PTPN13: variants seen among roughly 807,000 people sequenced by gnomAD.
The protein encoded by PTPN13 is tyrosine-protein phosphatase non-receptor type 13.
Under a neutral mutation model 284.0 loss-of-function variants are expected in PTPN13, and 191 were observed. The ratio of observed to expected loss-of-function variants is 0.67; its 90% CI spans 0.60 to 0.76. The LOEUF (loss-of-function observed/expected upper bound fraction) is 0.76, where lower values mean the gene tolerates loss of function less well. PTPN13 is among the 30% of genes least tolerant of loss of function. The probability of loss-of-function intolerance (pLI) is 0.00; values close to 1 mark genes in which losing one functional copy is unlikely to be tolerated. For synonymous variants in PTPN13, 986 were observed against 1,022.3 expected (o/e 0.96, Z 0.68); for missense variants, 2,797 against 2,939.9 (o/e 0.95, Z 1.12).
chr4:86,673,557 A>G (rs1166061759), intron 3 of PTPN13, among the ~76,000 whole-genome samples: 1 of 152,236 alleles, frequency 6.6e-6, no homozygotes, highest in African/African-American at 2.4e-5. Flanking sequence ...TTTGAATGCC[A>G]GAACTTGAGG....
chr4:86,803,329 G>T (rs1016124682), intron 42 of PTPN13, among the ~76,000 whole-genome samples: 1 of 151,696 alleles, frequency 6.6e-6, no homozygotes, highest in Admixed American at 6.6e-5. Context: ...AGTGGCTCAC[G>T]TCTGTTATCC....
chr4:86,610,858 A>G (rs1014278121), intron 1 of PTPN13, among the ~76,000 whole-genome samples: 1 of 152,170 alleles, frequency 6.6e-6, no homozygotes. Flanking sequence ...GATACTTATT[A>G]AGAGATAATG....
In PTPN13 at chr4:86,759,031, G is replaced by A. The variant is rs756454073; in HGVS notation, c.3511G>A (p.Val1171Met). 3.4e-5 allele frequency: 55 copies of A among 1,613,522 alleles called. No individual in the cohort carries two copies. Among genetic ancestry groups the A allele is most frequent in the Middle Eastern group, 1.6e-4 (1 of 6,078 alleles). ...IEILQNAPED[V>M]TLVISQPKEK... ...AATTTTGCAAAATGCACCTGAAGAT[G>A]TGACACTTGTTATCTCTCAGCCAAA... Residue 1171 changes from valine to methionine, a missense_variant, in exon 23 of 48, where the codon GTG (valine) becomes ATG (methionine). Coordinates refer to ENST00000411767, the MANE Select transcript of PTPN13 (RefSeq NM_080683.3).
intron 2 of PTPN13, among the ~76,000 whole-genome samples, chr4:86,659,707 T>C (rs912207023): frequency 2.0e-5 from 3 of 152,054 alleles, no homozygotes; most frequent in Non-Finnish European, 4.4e-5. Context: ...TCCCAGCTAC[T>C]CAGGAGGCTG....
intron 1 of PTPN13, among the ~76,000 whole-genome samples, chr4:86,630,416 TG>T (rs1722345365): frequency 6.6e-6 from 1 of 152,200 alleles, no homozygotes; most frequent in Non-Finnish European, 1.5e-5. Context: ...CTATTTAAAT[TG>T]GAATCACCAT....
At chr4:86,805,421 G>T in intron 44 of PTPN13, 52 bp downstream of exon 44, 2 of 1,135,910 alleles carry the variant, frequency 1.8e-6, no homozygotes, top group South Asian at 1.7e-5. Context: ...TAATATTAAT[G>T]GATTAAAATT....
chr4:86,807,702 G>T lies in PTPN13; in HGVS notation c.6888G>T (p.Met2296Ile). The T allele has an allele frequency of 6.2e-7, 1 of 1,614,044 alleles. No homozygotes were observed. Among genetic ancestry groups the T allele is most frequent in the Non-Finnish European group, 8.5e-7 (1 of 1,179,898 alleles). The change falls in exon 45 of 48, where the codon ATG becomes ATT. Residue 2296 changes from methionine (M) to isoleucine (I), a missense_variant. Transcript: ENST00000411767. ...CAACTGTTGGAGACTTCTGGCAGAT[G>T]ATTTGGGAGCAAAAATCCACAGTGA... ...LPTTVGDFWQ[M>I]IWEQKSTVIA...
At chr4:86,723,208 T>G (rs1285172854) in intron 10 of PTPN13, among the ~76,000 whole-genome samples, 9 of 152,182 alleles carry the variant, frequency 5.9e-5, no homozygotes, top group Admixed American at 5.9e-4. Flanking sequence ...TACTGGACAT[T>G]TTAAATGTTT....
chr4:86,719,755 G>A (rs1297376705), intron 9 of PTPN13, among the ~76,000 whole-genome samples: 1 of 152,098 alleles, frequency 6.6e-6, no homozygotes. Context: ...ATGCTTGTAG[G>A]CTGCATGTAT....
intron 2 of PTPN13, 139 bp from the exon 3 acceptor site, chr4:86,672,226 G>T: frequency 3.4e-6 from 2 of 596,352 alleles, no homozygotes; most frequent in Non-Finnish European, 5.3e-6. Flanking sequence ...ATGTTGATTT[G>T]GTATATGTTA....
At chr4:86,800,546 G>A (rs1295525932) in intron 42 of PTPN13, among the ~76,000 whole-genome samples, 1 of 151,994 alleles carries the variant, frequency 6.6e-6, no homozygotes, top group Admixed American at 6.6e-5. Flanking sequence ...CAGCTACTCG[G>A]GAGGCTGAGA....
rs553978948 is a variant in PTPN13, at chr4:86,755,574, G to A, written c.3223+2509G>A. Among the ~76,000 whole-genome samples, 4 of 152,104 alleles carry A rather than the reference G, an allele frequency of 2.6e-5. No homozygotes were observed. In the South Asian group the frequency reaches 6.2e-4, roughly 24 times the overall value. On this transcript the variant is annotated intron_variant, in intron 20 of 47. Transcript: ENST00000411767. ...GATGGTCACCGACTTATCATGGTTT[G>A]ACTTTACAGTGGTGCAAAAGAAATA...
chr4:86,636,211 C>T (rs182935919), intron 2 of PTPN13, among the ~76,000 whole-genome samples: 4 of 152,192 alleles, frequency 2.6e-5, no homozygotes, highest in Admixed American at 6.5e-5. Flanking sequence ...TATATGCATC[C>T]GTGTTACTCT....
chr4:86,815,154 A>C lies in PTPN13; in HGVS notation c.*603A>C, dbSNP rs17750575. The C allele has an allele frequency of 0.095, 14,503 of 152,586 alleles. 799 individuals are homozygous for C. Among genetic ancestry groups the C allele is most frequent in the Non-Finnish European group, 0.11 (7,699 of 68,012 alleles). 9.5% of individuals were successfully genotyped at this position (152,586 alleles called of 1,614,324 possible). ...AAAAACACACCTTAAAACATGAACA[A>C]GCCAAAACTGTGTGCAGACAAATTA... is the stretch of plus-strand genomic sequence containing the variant. On this transcript the variant is annotated 3_prime_UTR_variant, in exon 48 of 48. Transcript: ENST00000411767.
At chr4:86,614,697 T>G (rs1720342868) in intron 1 of PTPN13, among the ~76,000 whole-genome samples, 1 of 152,128 alleles carries the variant, frequency 6.6e-6, no homozygotes. Context: ...ATGGAAAATG[T>G]AAAGCTTGCT....
rs1742662516 is a variant in PTPN13 at position 86,791,512 on chromosome 4, T to C, written c.6346-5362T>C. ...GAAGAGAGCAATGGTTCTCCCAGCA[T>C]GGCGTTCGAACTCTGAGAATGGACA... On this transcript the variant is annotated intron_variant, in intron 40 of 47. Transcript: ENST00000411767. Among the ~76,000 whole-genome samples, 5 of 152,226 alleles carry C rather than the reference T, an allele frequency of 3.3e-5. No individual in the cohort carries two copies. The South Asian group carries it at 8.3e-4, about 25-fold the overall frequency.
rs774311904 is a variant in PTPN13, at chr4:86,701,342, A to C, written c.736A>C (p.Ile246Leu). ...TAGTAAATCTATGGGATTTCTGTCCATCAAAGATACACAAGATGAGAATTA... is the reference window on the plus strand; with the variant it reads ...TAGTAAATCTATGGGATTTCTGTCCCTCAAAGATACACAAGATGAGAATTA... Reference protein sequence around the residue: ...GLSKSMGFLSIKDTQDENYFK... With the variant: ...GLSKSMGFLSLKDTQDENYFK... The change falls in exon 7 of 48, where the codon ATC becomes CTC. Residue 246 changes from isoleucine to leucine, a missense_variant. Transcript: ENST00000411767. The C allele has an allele frequency of 3.1e-6, 5 of 1,612,666 alleles. No homozygotes were observed. The highest frequency in any genetic ancestry group is 1.6e-4 in the Middle Eastern group (1 of 6,084).
At chr4:86,699,883 C>G (rs903477256) in intron 6 of PTPN13, among the ~76,000 whole-genome samples, 1 of 152,104 alleles carries the variant, frequency 6.6e-6, no homozygotes, top group Non-Finnish European at 1.5e-5. Context: ...TACTGTAACA[C>G]AGACATATGT....
chr4:86,756,303 T>C (rs1737962274), intron 20 of PTPN13, among the ~76,000 whole-genome samples: 1 of 152,032 alleles, frequency 6.6e-6, no homozygotes, highest in African/African-American at 2.4e-5. Flanking sequence ...TTTTGTTCTG[T>C]GTTGTTTTGT....
Sources: allele counts gnomAD v4.1 joint callset (sites outside exome capture counted in the v4.1 genomes callset), GRCh38; gene constraint gnomAD v4.1.1; transcripts MANE v1.5; gene names NCBI Gene and HGNC (gene_info 2026-07-23, HGNC 2026-07-21).